GPHN: variants seen among roughly 807,000 people sequenced by gnomAD.
GPHN encodes the protein gephyrin.
Under a neutral mutation model 95.5 loss-of-function variants are expected in GPHN, and 17 were observed. That is an observed-to-expected ratio of 0.18 (90% CI 0.12 to 0.27). The LOEUF is 0.27. Among genes scored for constraint, GPHN ranks in the 10% least tolerant of loss-of-function variants. The probability of loss-of-function intolerance (pLI) is 1.00; values close to 1 mark genes in which losing one functional copy is unlikely to be tolerated. For missense variants in GPHN, 660 were observed against 978.1 expected, an observed-to-expected ratio of 0.67 and a Z score of 4.34; for synonymous variants, 320 against 322.5, an observed-to-expected ratio of 0.99 and a Z score of 0.08.
At chr14:67,380,882 G>T in the GPHN span, 1 of 495,960 alleles carries the variant, frequency 2.0e-6, no homozygotes, top group Non-Finnish European at 3.4e-6. Context: ...TTTTCTAAAT[G>T]GTTGTTTTTT....
rs918223179 is a variant in GPHN, at chr14:67,108,562, G to T, written c.1294-1578G>T. ...AACATTGTACCTAGCATAGATTGTG[G>T]GTTCAATAAATATTAGTTATTGGTA... On this transcript the variant is annotated intron_variant, in intron 13 of 22. Transcript: ENST00000478722. Among the ~76,000 whole-genome samples, 4 of 152,152 alleles carry T rather than the reference G, an allele frequency of 2.6e-5. No homozygotes were observed. The South Asian group carries it at 8.3e-4, about 32-fold the overall frequency.
chr14:67,346,436 C>T, the GPHN span, among the ~76,000 whole-genome samples: 38 of 152,174 alleles, frequency 2.5e-4, no homozygotes, highest in African/African-American at 8.9e-4. Flanking sequence ...CTCGGCCTCC[C>T]GAGTAGCTGG....
intron 3 of GPHN, among the ~76,000 whole-genome samples, chr14:66,802,387 A>G (rs1488419074): frequency 6.6e-6 from 1 of 152,122 alleles, no homozygotes; most frequent in African/African-American, 2.4e-5. Flanking sequence ...GGCCCAGGGC[A>G]TGTCCCAGAA....
intron 9 of GPHN, among the ~76,000 whole-genome samples, chr14:66,981,837 A>T (rs2070703755): frequency 6.6e-6 from 1 of 152,194 alleles, no homozygotes; most frequent in South Asian, 2.1e-4. Context: ...AATTTAATTA[A>T]ACAACCTGAG....
chr14:66,625,497 A>G (rs780132530), intron 1 of GPHN, among the ~76,000 whole-genome samples: 12 of 151,168 alleles, frequency 7.9e-5, no homozygotes, highest in Non-Finnish European at 1.3e-4. Flanking sequence ...TTCCCCCCCA[A>G]TTTTCTTAAC....
intron 3 of GPHN, among the ~76,000 whole-genome samples, chr14:66,777,084 A>T (rs74936383): frequency 4.5e-5 from 5 of 112,102 alleles, no homozygotes; most frequent in African/African-American, 2.1e-4. Flanking sequence ...CAAGACTAAT[A>T]AAAAAAAAAA....
chr14:67,193,805 T>G, the GPHN span, among the ~76,000 whole-genome samples: 488 of 141,924 alleles, frequency 3.4e-3, 4 homozygotes, highest in African/African-American at 0.012. Flanking sequence ...ATTAGCTGGG[T>G]ATGGTAGCGT....
At chr14:67,468,642 C>A in the GPHN span, among the ~76,000 whole-genome samples, 2 of 152,156 alleles carry the variant, frequency 1.3e-5, no homozygotes, top group South Asian at 4.1e-4. Flanking sequence ...AGGGAAGTAG[C>A]TGGCACTTTG....
chr14:66,556,431 C>T (rs2140229801), intron 1 of GPHN, among the ~76,000 whole-genome samples: 1 of 152,276 alleles, frequency 6.6e-6, no homozygotes, highest in African/African-American at 2.4e-5. Flanking sequence ...GTTTTTCCAT[C>T]CAGTTCTCTT....
chr14:66,674,682 T>C (rs1372503663), intron 1 of GPHN, among the ~76,000 whole-genome samples: 7 of 152,230 alleles, frequency 4.6e-5, no homozygotes, highest in African/African-American at 1.4e-4. Context: ...ATCAATTATG[T>C]ATATACGACA....
At chr14:67,710,351 TA>T in the GPHN span, among the ~76,000 whole-genome samples, 14 of 152,368 alleles carry the variant, frequency 9.2e-5, no homozygotes, top group African/African-American at 2.9e-4. Context: ...CTTTTTTTCC[TA>T]AGCAAACCAA....
the GPHN span, chr14:67,613,813 C>G: frequency 5.6e-6 from 1 of 179,118 alleles, no homozygotes; most frequent in Non-Finnish European, 1.2e-5. Context: ...TCCACAACTA[C>G]AAATCACTAC....
chr14:67,439,593 C>CTTTCTTTCT, the GPHN span, among the ~76,000 whole-genome samples: 21 of 109,812 alleles, frequency 1.9e-4, no homozygotes, highest in African/African-American at 5.7e-4. Context: ...TTCTTTCTTT[C>CTTTCTTTCT]TTCTTTCTTT....
intron 9 of GPHN, among the ~76,000 whole-genome samples, chr14:66,972,129 G>A (rs1025440111): frequency 6.6e-6 from 1 of 151,900 alleles, no homozygotes; most frequent in African/African-American, 2.4e-5. Flanking sequence ...TTAGCCAGGT[G>A]TGGTGGTACA....
intron 17 of GPHN, among the ~76,000 whole-genome samples, chr14:67,136,400 G>A (rs868364414): frequency 6.6e-6 from 1 of 152,272 alleles, no homozygotes. Context: ...CTTCCTGGAC[G>A]GTTTTGTTGT....
intron 18 of GPHN, among the ~76,000 whole-genome samples, chr14:67,150,453 C>CAAAAAAAAAAAAAAAA (rs1164806975): frequency 1.2e-3 from 119 of 97,752 alleles, no homozygotes; most frequent in East Asian, 3.1e-3. Context: ...AAAAAAAAAA[C>CAAAAAAAAAAAAAAAA]AAAAAAAAAA....
At chr14:67,475,193 G>A in the GPHN span, among the ~76,000 whole-genome samples, 1 of 152,216 alleles carries the variant, frequency 6.6e-6, no homozygotes, top group Non-Finnish European at 1.5e-5. Context: ...AGGATTACAG[G>A]CGTGAGCCAC....
At chr14:66,980,828 A>G (rs2070609052) in intron 9 of GPHN, among the ~76,000 whole-genome samples, 1 of 152,210 alleles carries the variant, frequency 6.6e-6, no homozygotes, top group Non-Finnish European at 1.5e-5. Flanking sequence ...AGGCAGGAGT[A>G]TCACCTGAGG....
chr14:67,140,287 G>A (rs1189545064), intron 17 of GPHN, among the ~76,000 whole-genome samples: 1 of 151,958 alleles, frequency 6.6e-6, no homozygotes, highest in Non-Finnish European at 1.5e-5. Context: ...GGGAGACTGA[G>A]GCAGGAGAAT....
Sources: allele counts gnomAD v4.1 joint callset (sites outside exome capture counted in the v4.1 genomes callset), GRCh38; gene constraint gnomAD v4.1.1; transcripts MANE v1.5; gene names NCBI Gene and HGNC (gene_info 2026-07-23, HGNC 2026-07-21).